CCNYL1: variants seen among roughly 807,000 people sequenced by gnomAD.
CCNYL1 encodes cyclin Y like 1.
In CCNYL1, 16 loss-of-function variants were observed where a neutral mutation model predicts 44.2. That is an observed-to-expected ratio of 0.36 (90% CI 0.25 to 0.55). The LOEUF (loss-of-function observed/expected upper bound fraction) is 0.55, where lower values mean the gene tolerates loss of function less well. Among genes scored for constraint, CCNYL1 ranks in the 20% least tolerant of loss-of-function variants. The pLI is 0.85. For synonymous variants in CCNYL1, 159 were observed against 163.2 expected (o/e 0.97, Z 0.20); for missense variants, 348 against 451.8 (o/e 0.77, Z 2.08).
At chr2:207,740,430 T>C (rs896256967) in intron 5 of CCNYL1, among the ~76,000 whole-genome samples, 2 of 152,182 alleles carry the variant, frequency 1.3e-5, no homozygotes, top group African/African-American at 4.8e-5. Flanking sequence ...TGAATCGTCA[T>C]TGTAGAAAAG....
At chr2:207,748,593 C>A (rs1368367498) in intron 8 of CCNYL1, among the ~76,000 whole-genome samples, 1 of 152,174 alleles carries the variant, frequency 6.6e-6, no homozygotes, top group Non-Finnish European at 1.5e-5. Flanking sequence ...GAAGGAGCAC[C>A]TCTTGATGAT....
intron 9 of CCNYL1, among the ~76,000 whole-genome samples, chr2:207,753,321 A>T (rs1254870330): frequency 6.6e-6 from 1 of 152,228 alleles, no homozygotes; most frequent in Non-Finnish European, 1.5e-5. Flanking sequence ...AATACCTTTG[A>T]TATCTTTGGG....
intron 4 of CCNYL1, among the ~76,000 whole-genome samples, chr2:207,734,824 A>C (rs965309465): frequency 2.0e-5 from 3 of 152,158 alleles, no homozygotes; most frequent in African/African-American, 7.2e-5. Flanking sequence ...AAAAGCAGCA[A>C]ATTTACACTC....
At chr2:207,732,713 C>A (rs1426381699) in intron 3 of CCNYL1, among the ~76,000 whole-genome samples, 3 of 151,984 alleles carry the variant, frequency 2.0e-5, no homozygotes, top group Non-Finnish European at 2.9e-5. Flanking sequence ...ATAGTTCAGG[C>A]TGTTTCAGTA....
At chr2:207,749,068 G>T (rs994053053) in intron 8 of CCNYL1, among the ~76,000 whole-genome samples, 1 of 152,216 alleles carries the variant, frequency 6.6e-6, no homozygotes, top group African/African-American at 2.4e-5. Context: ...TCAAGATACA[G>T]TATCAGAGAA....
chr2:207,732,509 A>G (rs1301592663), intron 3 of CCNYL1, among the ~76,000 whole-genome samples: 1 of 152,160 alleles, frequency 6.6e-6, no homozygotes, highest in Non-Finnish European at 1.5e-5. Context: ...TCTTTCATGT[A>G]TATGTGTGGG....
intron 7 of CCNYL1, among the ~76,000 whole-genome samples, chr2:207,743,959 T>A (rs1211761219): frequency 1.3e-5 from 2 of 151,824 alleles, no homozygotes; most frequent in Non-Finnish European, 2.9e-5. Context: ...AGTGCTAGAG[T>A]AGAGGAGAGG....
chr2:207,739,374 G>A (rs1157671036), intron 5 of CCNYL1, among the ~76,000 whole-genome samples: 1 of 152,024 alleles, frequency 6.6e-6, no homozygotes, highest in Non-Finnish European at 1.5e-5. Flanking sequence ...CCGGGACTGC[G>A]GGCGCCTGTC....
In CCNYL1 at chr2:207,711,700, C is replaced by CT. The variant is rs1362956320; in HGVS notation, c.-197_-196insT. 1 of 165,566 alleles carries CT rather than the reference C, an allele frequency of 6.0e-6. No individual in the cohort carries two copies. The highest frequency in any genetic ancestry group is 2.4e-5 in the African/African-American group (1 of 41,294). The allele number at this position is 165,566 out of a possible 1,614,324, so 10.3% of individuals were successfully genotyped here. A position where few individuals can be genotyped will look rare whatever the true frequency, so the allele number is the denominator to read the frequency against. Reference sequence around the variant, plus strand: ...CGGCGGTGGGGGTGCGGCCGAGGCCCGAGCCCTGCCCGGGGCCGGGCCGCG... The same window carrying CT: ...CGGCGGTGGGGGTGCGGCCGAGGCCCTGAGCCCTGCCCGGGGCCGGGCCGCG... On this transcript the variant is annotated 5_prime_UTR_variant, in exon 1 of 10. Transcript: ENST00000295414.
intron 1 of CCNYL1, chr2:207,714,287 C>T (rs1174441884): frequency 4.8e-5 from 19 of 399,898 alleles, no homozygotes; most frequent in South Asian, 2.9e-4. Context: ...TTATTTTACA[C>T]GATTCAGAGG....
chr2:207,727,752 G>A (rs1265606716), intron 3 of CCNYL1, among the ~76,000 whole-genome samples: 2 of 151,992 alleles, frequency 1.3e-5, no homozygotes, highest in Non-Finnish European at 2.9e-5. Flanking sequence ...TTCTGTGCCT[G>A]TTTTCCTGGG....
At position 207,720,102 on chromosome 2, in the gene CCNYL1, C is replaced by T. The variant is rs146799590; in HGVS notation, c.221-4698C>T. 9.5e-4 allele frequency among the ~76,000 whole-genome samples: 140 copies of T among 147,266 alleles called. 1 individual carries two copies. The highest frequency in any genetic ancestry group is 9.2e-3 in the East Asian group (43 of 4,654). On this transcript the variant is annotated intron_variant, in intron 1 of 9. Coordinates refer to ENST00000295414, the MANE Select transcript of CCNYL1 (RefSeq NM_001330218.2). ...GCCTGGGAGGCTGAAGCAGAAAAAT[C>T]GCTTCAACTCAGGAGGCAGAGGTTG...
rs576905033 is a variant in CCNYL1 at position 207,742,969 on chromosome 2, A to G, written c.639+627A>G. Among the ~76,000 whole-genome samples, 141 of 152,316 alleles carry G rather than the reference A, an allele frequency of 9.3e-4. 1 individual carries two copies. The highest frequency in any genetic ancestry group is 2.2e-4 in the Non-Finnish European group (15 of 68,040). On this transcript the variant is annotated intron_variant, in intron 7 of 9. Transcript: ENST00000295414. Reference sequence around the variant, plus strand: ...TACAGAATTCCTATGGTAAGATTTTATCATTGAATAATAAATCCTATTCAA... The same window carrying G: ...TACAGAATTCCTATGGTAAGATTTTGTCATTGAATAATAAATCCTATTCAA...
rs566114048 is a variant in CCNYL1, at chr2:207,746,289, A to G, written c.640-758A>G. Among the ~76,000 whole-genome samples the G allele has an allele frequency of 2.0e-5, 3 of 152,326 alleles. No individual in the cohort carries two copies. In the South Asian group the frequency reaches 6.2e-4, roughly 32 times the overall value. ...TTCAAGCTAGTGCCACAAAAGGGTT[A>G]GTTACTGTGAAAAGGAGAAGGTAAA... is the stretch of plus-strand genomic sequence containing the variant. On this transcript the variant is annotated intron_variant, in intron 7 of 9. Transcript: ENST00000295414.
intron 3 of CCNYL1, among the ~76,000 whole-genome samples, chr2:207,727,292 A>G (rs2091688173): frequency 6.6e-6 from 1 of 152,014 alleles, no homozygotes; most frequent in Non-Finnish European, 1.5e-5. Context: ...TATTTCTCCC[A>G]TATATATCAC....
chr2:207,731,442 T>G (rs2091724964), intron 3 of CCNYL1, among the ~76,000 whole-genome samples: 1 of 152,236 alleles, frequency 6.6e-6, no homozygotes, highest in African/African-American at 2.4e-5. Flanking sequence ...AGATGAATGA[T>G]ATATTCTTTG....
At chr2:207,726,733 T>A in intron 2 of CCNYL1, 109 bp from the exon 3 acceptor site, 1 of 684,286 alleles carries the variant, frequency 1.5e-6, no homozygotes, top group Non-Finnish European at 2.5e-6. Flanking sequence ...AATTATTTTT[T>A]AAATGGAATT....
intron 1 of CCNYL1, among the ~76,000 whole-genome samples, chr2:207,718,516 AG>A (rs1195517787): frequency 1.3e-5 from 2 of 152,098 alleles, no homozygotes; most frequent in Non-Finnish European, 2.9e-5. Context: ...AAAAAAAAAA[AG>A]ATCAGACTAG....
intron 8 of CCNYL1, 73 bp from the exon 9 acceptor site, chr2:207,750,884 A>G: frequency 7.6e-7 from 1 of 1,321,926 alleles, no homozygotes; most frequent in South Asian, 1.3e-5. Flanking sequence ...GTCTCTTAGA[A>G]TGATATTTTT....
Sources: allele counts gnomAD v4.1 joint callset (sites outside exome capture counted in the v4.1 genomes callset), GRCh38; gene constraint gnomAD v4.1.1; transcripts MANE v1.5; gene names NCBI Gene and HGNC (gene_info 2026-07-23, HGNC 2026-07-21).